Variants in ASTN2 observed in about 807,000 individuals in gnomAD.
ASTN2 encodes the protein astrotactin 2, also known as astrotactin-2.
In ASTN2, 54 loss-of-function variants were observed where a neutral mutation model predicts 139.8. That is an observed-to-expected ratio of 0.39 (90% CI 0.31 to 0.48). The LOEUF is 0.48. Ranked by LOEUF, ASTN2 falls within the 20% of genes least tolerant of loss-of-function variation. The pLI is 0.95. For missense variants in ASTN2, 1,565 were observed against 1,725.1 expected, an observed-to-expected ratio of 0.91 and a Z score of 1.64; for synonymous variants, 756 against 719.5, an observed-to-expected ratio of 1.05 and a Z score of -0.81.
intron 16 of ASTN2, among the ~76,000 whole-genome samples, chr9:116,718,982 A>ATATATATATATATATATATATATATC (rs1828398757): frequency 7.7e-6 from 1 of 129,400 alleles, no homozygotes; most frequent in Non-Finnish European, 1.6e-5. Flanking sequence ...GTACATATAT[A>ATATATATATATATATATATATATATC]TATATATATC....
At chr9:116,513,181 T>C (rs1036363591) in intron 19 of ASTN2, among the ~76,000 whole-genome samples, 2 of 152,220 alleles carry the variant, frequency 1.3e-5, no homozygotes, top group African/African-American at 4.8e-5. Flanking sequence ...CAGGAGCTCT[T>C]GTAGGGCAGG....
At chr9:116,543,703 C>T (rs528956462) in intron 19 of ASTN2, 1 of 152,316 alleles carries the variant, frequency 6.6e-6, no homozygotes, top group Non-Finnish European at 1.5e-5. Context: ...TCCTCATCCA[C>T]AGATGGTCAA....
At chr9:116,855,658 G>A (rs1206367890) in intron 11 of ASTN2, among the ~76,000 whole-genome samples, 1 of 152,134 alleles carries the variant, frequency 6.6e-6, no homozygotes, top group African/African-American at 2.4e-5. Context: ...TCTCAGCCTT[G>A]GGAGGGTGTC....
chr9:117,376,779 T>G (rs1024170333), intron 1 of ASTN2, among the ~76,000 whole-genome samples: 3 of 152,180 alleles, frequency 2.0e-5, no homozygotes, highest in African/African-American at 7.2e-5. Context: ...AATGCCTGTG[T>G]GGTGTCCAAC....
intron 3 of ASTN2, among the ~76,000 whole-genome samples, chr9:117,208,475 A>C (rs1407007584): frequency 6.6e-6 from 1 of 152,100 alleles, no homozygotes; most frequent in Admixed American, 6.5e-5. Flanking sequence ...AAGAAAAGAA[A>C]GAATAAATAA....
At chr9:116,620,850 A>G (rs1311861291) in intron 17 of ASTN2, among the ~76,000 whole-genome samples, 4 of 152,212 alleles carry the variant, frequency 2.6e-5, no homozygotes. Context: ...GAGCTAGGAT[A>G]CAACCCAAGG....
chr9:116,634,577 G>T (rs1411395512), intron 17 of ASTN2, among the ~76,000 whole-genome samples: 1 of 129,896 alleles, frequency 7.7e-6, no homozygotes, highest in Non-Finnish European at 1.6e-5. Flanking sequence ...GCGACAGAGC[G>T]AGACTCCGTC....
chr9:116,471,641 G>A (rs1848818237), intron 20 of ASTN2, among the ~76,000 whole-genome samples: 1 of 152,126 alleles, frequency 6.6e-6, no homozygotes, highest in South Asian at 2.1e-4. Flanking sequence ...AATGCTTACT[G>A]CAATAAGAGT....
At position 116,618,472 on chromosome 9, in the gene ASTN2, C is replaced by A; in HGVS notation, c.3207G>T (p.Val1069=). ...GCTCCACTGTTGGGGACAGCCGCAGCCTACAGGGAATAAAAAGGAAGATTC... is the reference window on the plus strand; with the variant it reads ...GCTCCACTGTTGGGGACAGCCGCAGACTACAGGGAATAAAAAGGAAGATTC... ...LPNCSPLLQP[V]LRLSPTVEPS... The change falls in exon 19 of 23, where the codon GTG becomes GTT. Residue 1069 remains valine (V), a splice_region_variant and synonymous_variant. Coordinates refer to ENST00000313400, the MANE Select transcript of ASTN2 (RefSeq NM_001365068.1). The A allele has an allele frequency of 6.2e-7, 1 of 1,603,976 alleles. No homozygotes were observed. Among genetic ancestry groups the A allele is most frequent in the Admixed American group, 1.8e-5 (1 of 57,086 alleles).
At chr9:117,109,308 C>T (rs11999423) in intron 4 of ASTN2, among the ~76,000 whole-genome samples, 23,658 of 150,630 alleles carry the variant, frequency 0.16, 2,025 homozygotes, top group East Asian at 0.2. Context: ...AATAAATAAA[C>T]AAACACAGAG....
chr9:116,500,380 G>A (rs767622015), intron 19 of ASTN2, among the ~76,000 whole-genome samples: 49 of 152,170 alleles, frequency 3.2e-4, no homozygotes, highest in Non-Finnish European at 6.2e-4. Context: ...AAGAGGTACT[G>A]GAACCAGATC....
At position 117,348,929 on chromosome 9, in the gene ASTN2, C is replaced by A. The variant is rs941626996; in HGVS notation, c.443-57416G>T. ...TGTGTAGCATCTAATTGTGTGACTC[C>A]CCTCCCTCTGCCCCATTAACTTGGA... On this transcript the variant is annotated intron_variant, in intron 1 of 22. Coordinates refer to ENST00000313400, the MANE Select transcript of ASTN2 (RefSeq NM_001365068.1). 2.6e-5 allele frequency among the ~76,000 whole-genome samples: 4 copies of A among 151,368 alleles called. No individual in the cohort carries two copies. In the East Asian group the frequency reaches 7.8e-4, roughly 29 times the overall value.
At chr9:116,624,547 G>A (rs1856343418) in intron 17 of ASTN2, among the ~76,000 whole-genome samples, 1 of 152,244 alleles carries the variant, frequency 6.6e-6, no homozygotes, top group African/African-American at 2.4e-5. Flanking sequence ...CAATATCTTA[G>A]GAATTTTAAA....
intron 10 of ASTN2, among the ~76,000 whole-genome samples, chr9:116,958,863 T>C (rs1051501233): frequency 2.0e-5 from 3 of 152,044 alleles, no homozygotes; most frequent in Non-Finnish European, 2.9e-5. Context: ...TTTGGACTTA[T>C]TACAAAGGCA....
chr9:117,016,213 A>G (rs987068527), intron 6 of ASTN2, among the ~76,000 whole-genome samples: 1 of 152,046 alleles, frequency 6.6e-6, no homozygotes, highest in Non-Finnish European at 1.5e-5. Flanking sequence ...GGAGGTGCCC[A>G]AGATCCCCTC....
chr9:117,012,044 C>A (rs1244787537), intron 6 of ASTN2, among the ~76,000 whole-genome samples: 1 of 152,154 alleles, frequency 6.6e-6, no homozygotes, highest in Non-Finnish European at 1.5e-5. Flanking sequence ...CCTTATCAAT[C>A]CAACTCTCAG....
chr9:116,522,760 C>A (rs1229324498), intron 19 of ASTN2, among the ~76,000 whole-genome samples: 4 of 152,064 alleles, frequency 2.6e-5, no homozygotes, highest in African/African-American at 9.7e-5. Context: ...TGGATTACTT[C>A]CATTGTACAG....
At chr9:116,718,972 GTACATATA>G (rs1165691152) in intron 16 of ASTN2, among the ~76,000 whole-genome samples, 2 of 100,000 alleles carry the variant, frequency 2.0e-5, no homozygotes, top group African/African-American at 7.7e-5. Flanking sequence ...ACCTGTATCT[GTACATATA>G]TATATATATA....
At chr9:117,244,327 C>T (rs1321555503) in intron 2 of ASTN2, among the ~76,000 whole-genome samples, 1 of 152,128 alleles carries the variant, frequency 6.6e-6, no homozygotes, top group East Asian at 1.9e-4. Flanking sequence ...TATATTCTGG[C>T]CACTGAGATG....
Sources: gnomAD v4.1 joint callset for allele counts (sites outside exome capture counted in the v4.1 genomes callset) on GRCh38, gnomAD v4.1.1 for gene constraint, MANE v1.5 for transcripts, NCBI Gene and HGNC (gene_info 2026-07-23, HGNC 2026-07-21) for gene names.